Variants in TAFA2 observed in about 807,000 individuals in gnomAD.
The protein encoded by TAFA2 is chemokine-like protein TAFA-2.
In TAFA2, 7 loss-of-function variants were observed where a neutral mutation model predicts 18.8. The ratio of observed to expected loss-of-function variants is 0.37; its 90% CI spans 0.21 to 0.70. The LOEUF is 0.70. Ranked by LOEUF, TAFA2 falls within the 30% of genes least tolerant of loss-of-function variation. TAFA2 has a pLI of 0.53. For missense variants in TAFA2, 122 were observed against 158.1 expected (o/e 0.77, Z 1.23); for synonymous variants, 60 against 54.2 (o/e 1.11, Z -0.47).
chr12:61,958,757 G>T (rs1191558520), intron 1 of TAFA2, among the ~76,000 whole-genome samples: 3 of 151,810 alleles, frequency 2.0e-5, no homozygotes, highest in Non-Finnish European at 2.9e-5. Flanking sequence ...TCTGTTTTCG[G>T]TATGGGTTTT....
chr12:62,154,608 A>G (rs1312509987), intron 1 of TAFA2, among the ~76,000 whole-genome samples: 1 of 152,206 alleles, frequency 6.6e-6, no homozygotes, highest in African/African-American at 2.4e-5. Context: ...TTTGTTAACC[A>G]TAAAGTTAAG....
chr12:61,806,331 T>A (rs960230105), intron 2 of TAFA2, among the ~76,000 whole-genome samples: 1 of 152,140 alleles, frequency 6.6e-6, no homozygotes, highest in Non-Finnish European at 1.5e-5. Context: ...AGGGGGAGTT[T>A]CCCTGCACAA....
chr12:62,240,422 GA>G (rs36059415), intron 1 of TAFA2, among the ~76,000 whole-genome samples: 53,042 of 145,610 alleles, frequency 0.36, 9,754 homozygotes, highest in South Asian at 0.45. Flanking sequence ...CTGTCTCAGG[GA>G]AAAAAAAAAA....
chr12:61,894,074 C>A (rs989606286), intron 1 of TAFA2, among the ~76,000 whole-genome samples: 1 of 152,102 alleles, frequency 6.6e-6, no homozygotes, highest in Non-Finnish European at 1.5e-5. Flanking sequence ...CTAAACAGGC[C>A]TCTTTCTCAG....
chr12:61,935,902 C>T (rs1326314859), intron 1 of TAFA2, among the ~76,000 whole-genome samples: 1 of 151,696 alleles, frequency 6.6e-6, no homozygotes, highest in Non-Finnish European at 1.5e-5. Context: ...CAGAGCAATT[C>T]ACAGCTGAAT....
intron 1 of TAFA2, among the ~76,000 whole-genome samples, chr12:61,996,183 G>C (rs531094491): frequency 6.6e-6 from 1 of 152,064 alleles, no homozygotes; most frequent in Admixed American, 6.6e-5. Context: ...GCTATATACA[G>C]TGCAAAGTAC....
At position 61,975,514 on chromosome 12, in the gene TAFA2, C is replaced by CGCGTGTGTGTGTGTGTGTGTGT. The variant is rs1555180431; in HGVS notation, c.-1-108089_-1-108088insACACACACACACACACACACGC. ...CTCCTTTTTAAGGCTCAATAATATTCGTGTGTGTGTGTGTGTGTGTGTGTG... is the reference window on the plus strand; with the variant it reads ...CTCCTTTTTAAGGCTCAATAATATTCGCGTGTGTGTGTGTGTGTGTGTGTGTGTGTGTGTGTGTGTGTGTGTG... On this transcript the variant is annotated intron_variant, in intron 1 of 4. Coordinates refer to ENST00000416284, the MANE Select transcript of TAFA2 (RefSeq NM_178539.5). Among the ~76,000 whole-genome samples, 34 of 136,560 alleles carry CGCGTGTGTGTGTGTGTGTGTGT rather than the reference C, an allele frequency of 2.5e-4. 1 individual carries two copies. Among genetic ancestry groups the CGCGTGTGTGTGTGTGTGTGTGT allele is most frequent in the African/African-American group, 8.7e-4 (31 of 35,580 alleles). 89.6% of individuals were successfully genotyped at this position (136,560 alleles called of 152,430 possible).
rs2062630971 is a variant in TAFA2, at chr12:62,192,531, C to G, written c.-1274G>C. 1 of 152,350 alleles carries G rather than the reference C, an allele frequency of 6.6e-6. No individual in the cohort carries two copies. Among genetic ancestry groups the G allele is most frequent in the East Asian group, 1.9e-4 (1 of 5,202 alleles). 9.4% of individuals were successfully genotyped at this position (152,350 alleles called of 1,614,324 possible). ...ACTGTCAAAAGACACTGATGCTAAT[C>G]TTTTAGAAAGTCGCCATAAAGGGCA... On this transcript the variant is annotated 5_prime_UTR_variant, in exon 1 of 5. Coordinates refer to ENST00000416284, the MANE Select transcript of TAFA2 (RefSeq NM_178539.5).
At chr12:62,035,273 A>G (rs765367956) in intron 1 of TAFA2, among the ~76,000 whole-genome samples, 11 of 152,232 alleles carry the variant, frequency 7.2e-5, no homozygotes, top group Non-Finnish European at 1.6e-4. Flanking sequence ...CACAGTGAAT[A>G]GGACCTGCCC....
intron 1 of TAFA2, among the ~76,000 whole-genome samples, chr12:62,112,034 T>C (rs547558204): frequency 5.4e-4 from 83 of 152,326 alleles, no homozygotes; most frequent in African/African-American, 1.9e-3. Context: ...GTCATTATGA[T>C]GGTAGCTGGT....
At chr12:61,875,774 T>C (rs1309287088) in intron 1 of TAFA2, among the ~76,000 whole-genome samples, 1 of 152,124 alleles carries the variant, frequency 6.6e-6, no homozygotes, top group African/African-American at 2.4e-5. Context: ...GATTACCTTC[T>C]CCTACCGTTT....
At chr12:62,031,661 A>G (rs1881462947) in intron 1 of TAFA2, among the ~76,000 whole-genome samples, 1 of 152,178 alleles carries the variant, frequency 6.6e-6, no homozygotes, top group Non-Finnish European at 1.5e-5. Context: ...AATGACATTT[A>G]CCTGTATATA....
chr12:61,825,985 G>C (rs1592414941), intron 2 of TAFA2, among the ~76,000 whole-genome samples: 1 of 151,942 alleles, frequency 6.6e-6, no homozygotes, highest in Non-Finnish European at 1.5e-5. Flanking sequence ...AAAATCAAAA[G>C]TTATTTTATA....
chr12:62,234,753 T>G (rs1565785245), intron 1 of TAFA2: 1 of 1,093,702 alleles, frequency 9.1e-7, no homozygotes. Flanking sequence ...AGGCCTGGAG[T>G]TCTGCTCTGC....
intron 1 of TAFA2, among the ~76,000 whole-genome samples, chr12:61,969,534 G>A (rs1265524553): frequency 6.6e-6 from 1 of 151,650 alleles, no homozygotes; most frequent in African/African-American, 2.4e-5. Context: ...CATTGTGTAA[G>A]AGGGCAATGC....
At chr12:61,963,907 G>C (rs1304164169) in intron 1 of TAFA2, among the ~76,000 whole-genome samples, 2 of 151,854 alleles carry the variant, frequency 1.3e-5, no homozygotes, top group African/African-American at 2.4e-5. Flanking sequence ...CAGAACAGAG[G>C]CTTCAGAAAT....
At chr12:61,972,886 C>A (rs1203624773) in intron 1 of TAFA2, among the ~76,000 whole-genome samples, 1 of 151,526 alleles carries the variant, frequency 6.6e-6, no homozygotes, top group Non-Finnish European at 1.5e-5. Flanking sequence ...GATTAGAAAG[C>A]AGGTCACTCA....
In TAFA2 at chr12:61,848,687, T is replaced by C. The variant is rs575202631; in HGVS notation, c.106+18633A>G. Among the ~76,000 whole-genome samples, 128 of 150,926 alleles carry C rather than the reference T, an allele frequency of 8.5e-4. 2 individuals carry two copies. The South Asian group carries it at 0.025, about 29-fold the overall frequency. On this transcript the variant is annotated intron_variant, in intron 2 of 4. Transcript: ENST00000416284. ...AACACTGTATCTTCAGTTATCCTGT[T>C]TGAAGAAAAAGGACAAATAAAACAT...
At chr12:61,948,751 T>C (rs1878366140) in intron 1 of TAFA2, among the ~76,000 whole-genome samples, 1 of 152,178 alleles carries the variant, frequency 6.6e-6, no homozygotes, top group African/African-American at 2.4e-5. Flanking sequence ...GGTGTTTGCA[T>C]TGTAATCCTT....
Sources: gnomAD v4.1 joint callset for allele counts (sites outside exome capture counted in the v4.1 genomes callset) on GRCh38, gnomAD v4.1.1 for gene constraint, MANE v1.5 for transcripts, NCBI Gene and HGNC (gene_info 2026-07-23, HGNC 2026-07-21) for gene names.